Variants in GNA14 observed in about 807,000 individuals in gnomAD.
GNA14 encodes guanine nucleotide-binding protein subunit alpha-14.
A neutral mutation model predicts 42.0 loss-of-function variants in GNA14; 50 were observed. The observed-to-expected ratio is 1.19, with a 90% CI of 0.95 to 1.51. The LOEUF (loss-of-function observed/expected upper bound fraction) is 1.51, where lower values mean the gene tolerates loss of function less well. GNA14 is among the 40% of genes most tolerant of loss of function. The pLI, the probability that GNA14 is intolerant of heterozygous loss-of-function variation, is 0.00. For synonymous variants in GNA14, 173 were observed against 163.1 expected (o/e 1.06, Z -0.46); for missense variants, 473 against 446.2 (o/e 1.06, Z -0.54).
chr9:77,506,491 G>A (rs7038855), intron 2 of GNA14, among the ~76,000 whole-genome samples: 77,014 of 151,604 alleles, frequency 0.51, 20,309 homozygotes, highest in East Asian at 0.81. Context: ...ATTCTGGCCA[G>A]TGTGGTGAAA....
intron 1 of GNA14, among the ~76,000 whole-genome samples, chr9:77,531,893 G>A (rs1837534406): frequency 7.5e-6 from 1 of 133,992 alleles, no homozygotes; most frequent in African/African-American, 4.0e-5. Context: ...TCATACAAGA[G>A]AAGATATAGA....
chr9:77,571,548 G>A (rs1823059225), intron 1 of GNA14, among the ~76,000 whole-genome samples: 1 of 152,036 alleles, frequency 6.6e-6, no homozygotes, highest in Non-Finnish European at 1.5e-5. Context: ...CATTAAAAAG[G>A]GAAGTGCTTT....
intron 1 of GNA14, among the ~76,000 whole-genome samples, chr9:77,641,470 A>G (rs919600593): frequency 1.3e-5 from 2 of 151,882 alleles, no homozygotes; most frequent in Non-Finnish European, 2.9e-5. Context: ...CACCCCCGAG[A>G]AGGACACAAC....
intron 5 of GNA14, 23 bp from the exon 6 acceptor site, chr9:77,425,738 G>A: frequency 6.4e-7 from 1 of 1,559,270 alleles, no homozygotes; most frequent in Non-Finnish European, 8.7e-7. Flanking sequence ...CAAGGGACTT[G>A]GGATGAAGTA....
chr9:77,538,064 TTC>T (rs772168284), intron 1 of GNA14, among the ~76,000 whole-genome samples: 155 of 82,238 alleles, frequency 1.9e-3, no homozygotes, highest in African/African-American at 9.3e-3. Flanking sequence ...GTACAGAAGC[TTC>T]TTTTTTTTTT....
intron 1 of GNA14, among the ~76,000 whole-genome samples, chr9:77,542,101 T>G (rs1053650314): frequency 6.6e-6 from 1 of 152,184 alleles, no homozygotes; most frequent in Non-Finnish European, 1.5e-5. Flanking sequence ...ATTACCTTGC[T>G]TTTTCCTGTT....
At chr9:77,549,081 C>T (rs771963233) in intron 1 of GNA14, among the ~76,000 whole-genome samples, 3 of 152,208 alleles carry the variant, frequency 2.0e-5, no homozygotes, top group East Asian at 1.9e-4. Context: ...ATTACAGGCA[C>T]GTGCCACCAC....
intron 1 of GNA14, among the ~76,000 whole-genome samples, chr9:77,601,138 T>C (rs1823556486): frequency 6.6e-6 from 1 of 152,210 alleles, no homozygotes; most frequent in Admixed American, 6.5e-5. Context: ...TGGGAGCCCT[T>C]GGCAGGAACC....
intron 1 of GNA14, among the ~76,000 whole-genome samples, chr9:77,561,218 A>G (rs1281971249): frequency 6.6e-6 from 1 of 152,234 alleles, no homozygotes. Context: ...GAACCAGGAA[A>G]TAAGGATGGC....
chr9:77,445,252 T>C (rs140496730), intron 2 of GNA14, among the ~76,000 whole-genome samples: 2 of 152,262 alleles, frequency 1.3e-5, no homozygotes, highest in South Asian at 2.1e-4. Context: ...CTTTGCTACA[T>C]CGCATTTCAC....
At chr9:77,627,095 C>T (rs770140180) in intron 1 of GNA14, among the ~76,000 whole-genome samples, 1 of 152,174 alleles carries the variant, frequency 6.6e-6, no homozygotes, top group Non-Finnish European at 1.5e-5. Flanking sequence ...TCAGAGAATA[C>T]TATAAACACC....
At chr9:77,634,251 A>G (rs1824142559) in intron 1 of GNA14, among the ~76,000 whole-genome samples, 3 of 151,754 alleles carry the variant, frequency 2.0e-5, no homozygotes, top group Non-Finnish European at 4.4e-5. Context: ...GACACCTTGT[A>G]TCTACAATAA....
chr9:77,636,799 C>A lies in GNA14; in HGVS notation c.124+10871G>T, dbSNP rs986258845. 2.6e-5 allele frequency among the ~76,000 whole-genome samples: 4 copies of A among 152,190 alleles called. No homozygotes were observed. The East Asian group carries it at 5.8e-4, about 22-fold the overall frequency. ...ACCTCGCAGCAGGTCCCACCTCCAA[C>A]ACTGGGGATCAAATTTTCAACATGA... On this transcript the variant is annotated intron_variant, in intron 1 of 6. Coordinates refer to ENST00000341700, the MANE Select transcript of GNA14 (RefSeq NM_004297.4).
chr9:77,425,671 G>A lies in GNA14; in HGVS notation c.768C>T (p.Thr256=). 6.2e-7 allele frequency: 1 copy of A among 1,609,822 alleles called. No homozygotes were observed. The highest frequency in any genetic ancestry group is 8.5e-7 in the Non-Finnish European group (1 of 1,176,316). ...ESKALFKTII[T]YPWFLNSSVI... is the part of the protein sequence containing the mutation. ...CAGACGAATTCAGAAACCAGGGGTA[G>A]GTGATGATGGTTTTAAATAAGGCTT... The change falls in exon 6 of 7, where the codon ACC becomes ACT. Residue 256 remains threonine (T), a synonymous_variant. Transcript: ENST00000341700.
chr9:77,563,251 A>G (rs538960090), intron 1 of GNA14, among the ~76,000 whole-genome samples: 10 of 152,298 alleles, frequency 6.6e-5, no homozygotes, highest in African/African-American at 2.2e-4. Context: ...TTCAGAGCTC[A>G]TGCTGTATAT....
At chr9:77,626,950 G>T (rs1223564443) in intron 1 of GNA14, among the ~76,000 whole-genome samples, 1 of 152,098 alleles carries the variant, frequency 6.6e-6, no homozygotes, top group African/African-American at 2.4e-5. Context: ...GCAGGAGCTG[G>T]TTTTCTGAAA....
At position 77,618,581 on chromosome 9, in the gene GNA14, AATATATATATATATATAT is replaced by A. The variant is rs1181899033; in HGVS notation, c.124+29071_124+29088del. 2.1e-3 allele frequency among the ~76,000 whole-genome samples: 88 copies of A among 42,610 alleles called. 2 individuals carry two copies. Among genetic ancestry groups the A allele is most frequent in the Non-Finnish European group, 2.8e-3 (61 of 22,132 alleles). The allele number at this position is 42,610 out of a possible 152,430, so 28.0% of individuals were successfully genotyped here. On this transcript the variant is annotated intron_variant, in intron 1 of 6. Transcript: ENST00000341700. Reference sequence around the variant, plus strand: ...ATTATATGCTGGATGATTACATTTGAATATATATATATATATATATATATATATATATATATATATTTT... The same window carrying A: ...ATTATATGCTGGATGATTACATTTGAATATATATATATATATATATATTTT...
chr9:77,449,721 A>C (rs1349358900), intron 2 of GNA14, among the ~76,000 whole-genome samples: 1 of 152,220 alleles, frequency 6.6e-6, no homozygotes, highest in Non-Finnish European at 1.5e-5. Context: ...TTTCATACTC[A>C]AACCCCAATG....
intron 1 of GNA14, among the ~76,000 whole-genome samples, chr9:77,607,685 T>C (rs901961232): frequency 3.3e-5 from 5 of 152,174 alleles, no homozygotes; most frequent in African/African-American, 1.2e-4. Context: ...CAACAGAAAT[T>C]TATTTCTCAC....
Sources: gnomAD v4.1 joint callset for allele counts (sites outside exome capture counted in the v4.1 genomes callset) on GRCh38, gnomAD v4.1.1 for gene constraint, MANE v1.5 for transcripts, NCBI Gene and HGNC (gene_info 2026-07-23, HGNC 2026-07-21) for gene names.